Variants in PRKN observed in about 807,000 individuals in gnomAD.
PRKN encodes E3 ubiquitin-protein ligase parkin.
In PRKN, 56 loss-of-function variants were observed where a neutral mutation model predicts 59.5. The observed-to-expected ratio is 0.94, with a 90% CI of 0.76 to 1.18. The LOEUF is 1.18. Among genes scored for constraint, PRKN ranks in the 50% most tolerant of loss-of-function variants. The pLI is 0.00. For missense variants in PRKN, 657 were observed against 596.4 expected (o/e 1.10, Z -1.06); for synonymous variants, 250 against 222.1 (o/e 1.13, Z -1.12).
chr6:161,944,134 G>GCCTGAGGA (rs1779694283), intron 6 of PRKN, among the ~76,000 whole-genome samples: 26 of 103,390 alleles, frequency 2.5e-4, no homozygotes, highest in South Asian at 2.0e-3. Context: ...CAGCCTGAGG[G>GCCTGAGGA]ATCAGCCTGA....
intron 6 of PRKN, among the ~76,000 whole-genome samples, chr6:161,889,610 C>T (rs1054523228): frequency 4.6e-5 from 7 of 152,166 alleles, no homozygotes; most frequent in Non-Finnish European, 7.3e-5. Context: ...CAGGGATTTG[C>T]AGTGAGGGAA....
intron 4 of PRKN, among the ~76,000 whole-genome samples, chr6:162,087,888 G>T (rs1055816189): frequency 1.6e-4 from 24 of 152,058 alleles, no homozygotes; most frequent in African/African-American, 4.8e-4. Flanking sequence ...CACTGCGCCC[G>T]GCCAATAATT....
At chr6:162,050,941 G>A (rs938707538) in intron 5 of PRKN, among the ~76,000 whole-genome samples, 1 of 152,080 alleles carries the variant, frequency 6.6e-6, no homozygotes, top group Non-Finnish European at 1.5e-5. Flanking sequence ...AACACATGGT[G>A]TTCGGAAAGG....
At position 161,548,054 on chromosome 6, in the gene PRKN, C is replaced by T. The variant is rs1779857836; in HGVS notation, c.1083+800G>A. 6.6e-6 allele frequency among the ~76,000 whole-genome samples: 1 copy of T among 152,190 alleles called. No homozygotes were observed. Among genetic ancestry groups the T allele is most frequent in the Non-Finnish European group, 1.5e-5 (1 of 68,032 alleles). On this transcript the variant is annotated intron_variant, in intron 9 of 11. Coordinates refer to ENST00000366898, the MANE Select transcript of PRKN (RefSeq NM_004562.3). The surrounding 1 kb of genome is among the most constrained non-coding windows in gnomAD (Gnocchi z 4.2). ...CTGTGCTCCTTCTTGCACAAAACTCCTCATGAAGTTGCAATTTTAAAAGAA... is the reference window on the plus strand; with the variant it reads ...CTGTGCTCCTTCTTGCACAAAACTCTTCATGAAGTTGCAATTTTAAAAGAA...
intron 1 of PRKN, among the ~76,000 whole-genome samples, chr6:162,602,139 G>C (rs1781736735): frequency 6.6e-6 from 1 of 152,160 alleles, no homozygotes; most frequent in East Asian, 1.9e-4. Flanking sequence ...GTGCAGGAGA[G>C]AGCACCTCCG....
chr6:162,209,889 T>C (rs748058973), intron 3 of PRKN, among the ~76,000 whole-genome samples: 3 of 150,170 alleles, frequency 2.0e-5, no homozygotes, highest in African/African-American at 7.4e-5. Context: ...TTCTCACTCA[T>C]AGGTGGGAAT....
At chr6:162,564,540 A>T (rs2023013) in intron 1 of PRKN, among the ~76,000 whole-genome samples, 10 of 151,922 alleles carry the variant, frequency 6.6e-5, no homozygotes, top group Non-Finnish European at 1.3e-4. Context: ...AGAAAACTAC[A>T]TCAAGGCATT....
At chr6:162,376,038 C>G (rs1786054630) in intron 2 of PRKN, among the ~76,000 whole-genome samples, 1 of 152,058 alleles carries the variant, frequency 6.6e-6, no homozygotes, top group Admixed American at 6.6e-5. Context: ...TCTTGAGAAA[C>G]AAGAACATCC....
At chr6:161,963,721 G>T (rs1780471663) in intron 6 of PRKN, among the ~76,000 whole-genome samples, 1 of 152,206 alleles carries the variant, frequency 6.6e-6, no homozygotes, top group Admixed American at 6.5e-5. Flanking sequence ...AAAGGAGATT[G>T]TTTCATGTGA....
Position 161,593,580 on chromosome 6 carries a change from T to C in PRKN, c.872-24164A>G, listed in dbSNP as rs1781803352. ...GGAAGGTGAGGCCAGCAGGTCTTGCTGGTGGGCTGCCCTGTGGAGCAGACA... is the reference window on the plus strand; with the variant it reads ...GGAAGGTGAGGCCAGCAGGTCTTGCCGGTGGGCTGCCCTGTGGAGCAGACA... On this transcript the variant is annotated intron_variant, in intron 7 of 11. Coordinates refer to ENST00000366898, the MANE Select transcript of PRKN (RefSeq NM_004562.3). The surrounding 1 kb of genome is among the most constrained non-coding windows in gnomAD (Gnocchi z 4.8). Among the ~76,000 whole-genome samples, 1 of 152,062 alleles carries C rather than the reference T, an allele frequency of 6.6e-6. No individual in the cohort carries two copies. The highest frequency in any genetic ancestry group is 1.5e-5 in the Non-Finnish European group (1 of 68,000).
Position 161,451,251 on chromosome 6 carries a change from C to T in PRKN, c.1084-64374G>A, listed in dbSNP as rs951528400. On this transcript the variant is annotated intron_variant, in intron 9 of 11. Coordinates refer to ENST00000366898, the MANE Select transcript of PRKN (RefSeq NM_004562.3). The surrounding 1 kb of genome is among the most constrained non-coding windows in gnomAD (Gnocchi z 5.9). The stretch of plus-strand genomic sequence containing the variant: ...AAAACAGGGGTCTCTTTTATCCTAC[C>T]GTCATCTCATTTCCAGATAAAACAC... Among the ~76,000 whole-genome samples, 5 of 152,134 alleles carry T rather than the reference C, an allele frequency of 3.3e-5. No individual in the cohort carries two copies. The highest frequency in any genetic ancestry group is 7.2e-5 in the African/African-American group (3 of 41,422).
intron 2 of PRKN, among the ~76,000 whole-genome samples, chr6:162,396,233 A>C (rs904957040): frequency 5.9e-5 from 9 of 152,184 alleles, no homozygotes; most frequent in African/African-American, 2.2e-4. Context: ...GTTTTGAAAG[A>C]ATAAATTTCT....
rs1954801 is a variant in PRKN at position 162,485,579 on chromosome 6, C to A, written c.8-42106G>T. 5.0e-3 allele frequency among the ~76,000 whole-genome samples: 756 copies of A among 152,196 alleles called. 6 individuals are homozygous for A. The highest frequency in any genetic ancestry group is 0.018 in the African/African-American group (727 of 41,510). ...CACCTGCACACTGGTATTTATCTTC[C>A]TCTCCACAACTAGTAACTCAATTTG... On this transcript the variant is annotated intron_variant, in intron 1 of 11. Transcript: ENST00000366898.
At chr6:162,636,715 T>A (rs1777726976) in intron 1 of PRKN, among the ~76,000 whole-genome samples, 1 of 152,180 alleles carries the variant, frequency 6.6e-6, no homozygotes, top group South Asian at 2.1e-4. Context: ...CTGGGCATGG[T>A]GGCTAACAGC....
At chr6:162,233,232 T>TA (rs1271770594) in intron 3 of PRKN, among the ~76,000 whole-genome samples, 1 of 152,202 alleles carries the variant, frequency 6.6e-6, no homozygotes, top group Non-Finnish European at 1.5e-5. Flanking sequence ...GGTTATTCAT[T>TA]AATATTGGCT....
chr6:162,401,108 A>G lies in PRKN; in HGVS notation c.171+42202T>C, dbSNP rs563792303. On this transcript the variant is annotated intron_variant, in intron 2 of 11. Transcript: ENST00000366898. ...GCAAAAGCAAGTGTTTTTAAAAACA[A>G]GGAATAAAAAGTATGTTTTCATGCC... Among the ~76,000 whole-genome samples, 5 of 152,252 alleles carry G rather than the reference A, an allele frequency of 3.3e-5. No homozygotes were observed. The East Asian group carries it at 9.6e-4, about 29-fold the overall frequency.
intron 2 of PRKN, among the ~76,000 whole-genome samples, chr6:162,266,111 A>G (rs1448929745): frequency 6.6e-6 from 1 of 151,990 alleles, no homozygotes; most frequent in African/African-American, 2.4e-5. Context: ...GAGAATTAGC[A>G]CCCTAGCCTA....
Position 161,843,523 on chromosome 6 carries a change from C to T in PRKN, c.735-57615G>A, listed in dbSNP as rs139357269. Among the ~76,000 whole-genome samples the T allele has an allele frequency of 6.8e-3, 1,038 of 152,316 alleles. 12 individuals are homozygous for T. The highest frequency in any genetic ancestry group is 0.024 in the African/African-American group (983 of 41,558). ...ATTCCTGGCTGGGCGCAGTGGCTCACGCCTATAATCCCAGCACTTTGAGAG... is the reference window on the plus strand; with the variant it reads ...ATTCCTGGCTGGGCGCAGTGGCTCATGCCTATAATCCCAGCACTTTGAGAG... On this transcript the variant is annotated intron_variant, in intron 6 of 11. Transcript: ENST00000366898.
chr6:162,095,725 C>T (rs189685007), intron 4 of PRKN, among the ~76,000 whole-genome samples: 155 of 152,186 alleles, frequency 1.0e-3, no homozygotes, highest in African/African-American at 3.5e-3. Flanking sequence ...AGAAAGAATT[C>T]TGGTGCAGGA....
Sources: gnomAD v4.1 joint callset for allele counts (sites outside exome capture counted in the v4.1 genomes callset) on GRCh38, gnomAD v4.1.1 for gene constraint, Gnocchi (gnomAD v3.1) non-coding constraint, MANE v1.5 for transcripts, NCBI Gene and HGNC (gene_info 2026-07-23, HGNC 2026-07-21) for gene names.